The following OTUD7A variants were observed in gnomAD, a reference collection of about 807,000 sequenced individuals.
OTUD7A encodes the protein OTU deubiquitinase 7A.
OTUD7A carries 12 observed loss-of-function variants against 65.7 expected under a neutral mutation model. The observed-to-expected ratio is 0.18, with a 90% CI of 0.12 to 0.30. The LOEUF is 0.30. OTUD7A is among the 10% of genes least tolerant of loss of function. The probability of loss-of-function intolerance (pLI) is 1.00; values close to 1 mark genes in which losing one functional copy is unlikely to be tolerated. For missense variants in OTUD7A, 1,148 were observed against 1,304.8 expected (o/e 0.88, Z 1.85); for synonymous variants, 641 against 586.3 (o/e 1.09, Z -1.35).
In OTUD7A at chr15:31,559,017, C is replaced by T. The variant is rs994568456; in HGVS notation, c.502G>A (p.Glu168Lys). 6 of 1,614,170 alleles carry T rather than the reference C, an allele frequency of 3.7e-6. No homozygotes were observed. Among genetic ancestry groups the T allele is most frequent in the Non-Finnish European group, 5.1e-6 (6 of 1,180,028 alleles). ...VYSEDFRSFI[E>K]RDLIEQATMV... ...GTTGCCTGCTCGATCAAGTCCCGCT[C>T]GATGAAGCTCCTGAAATCCTCGCTG... The change falls in exon 5 of 13, where the codon GAG (glutamate) becomes AAG (lysine). Residue 168 changes from glutamate to lysine, a missense_variant. By Grantham distance (56) the Glu-to-Lys change is moderately conservative (BLOSUM62 1). Transcript: ENST00000307050.
chr15:31,741,614 A>C (rs1200266364), intron 1 of OTUD7A, among the ~76,000 whole-genome samples: 1 of 152,178 alleles, frequency 6.6e-6, no homozygotes, highest in African/African-American at 2.4e-5. Context: ...TCACAACTGA[A>C]ATAATAAAAT....
intron 1 of OTUD7A, among the ~76,000 whole-genome samples, chr15:31,802,141 G>GTGTGTGTGTGTGTATATA (rs553698632): frequency 1.4e-5 from 2 of 142,496 alleles, no homozygotes; most frequent in Non-Finnish European, 3.0e-5. Flanking sequence ...GTGTGTGTGT[G>GTGTGTGTGTGTGTATATA]TATATATATA....
At chr15:31,703,177 A>C (rs1480335731) in intron 1 of OTUD7A, among the ~76,000 whole-genome samples, 2 of 152,122 alleles carry the variant, frequency 1.3e-5, no homozygotes, top group Admixed American at 6.5e-5. Context: ...ATACGAGAAA[A>C]TCTTAGGGAT....
intron 5 of OTUD7A, among the ~76,000 whole-genome samples, chr15:31,538,782 G>T (rs1006877223): frequency 6.6e-6 from 1 of 152,076 alleles, no homozygotes; most frequent in Non-Finnish European, 1.5e-5. Context: ...GCACCAGCAG[G>T]TTCCTTTCAA....
At chr15:31,772,246 C>T (rs370025265) in intron 1 of OTUD7A, among the ~76,000 whole-genome samples, 3 of 132,066 alleles carry the variant, frequency 2.3e-5, no homozygotes, top group African/African-American at 5.7e-5. Context: ...AGCGAGACTC[C>T]GTCTCAAAAA....
At chr15:31,610,203 C>T (rs1263114283) in intron 3 of OTUD7A, among the ~76,000 whole-genome samples, 1 of 152,092 alleles carries the variant, frequency 6.6e-6, no homozygotes, top group African/African-American at 2.4e-5. Context: ...TTAAAAGAGA[C>T]ATGGAGGAGG....
chr15:31,479,969 G>A lies in OTUD7A; in HGVS notation c.*3325C>T, dbSNP rs2041092422. The A allele has an allele frequency of 1.3e-5, 2 of 152,110 alleles. No individual in the cohort carries two copies. Among genetic ancestry groups the A allele is most frequent in the South Asian group, 4.2e-4 (2 of 4,814 alleles). The allele number at this position is 152,110 out of a possible 1,614,324, so 9.4% of individuals were successfully genotyped here. On this transcript the variant is annotated 3_prime_UTR_variant, in exon 13 of 13. Transcript: ENST00000307050. ...TACCAAAATCCATGAACAGAAAAAAGGAAATCAAGCTTTCAATAAAAAAAG... is the reference window on the plus strand; with the variant it reads ...TACCAAAATCCATGAACAGAAAAAAAGAAATCAAGCTTTCAATAAAAAAAG...
At chr15:31,836,405 A>C (rs1006763229) in intron 1 of OTUD7A, among the ~76,000 whole-genome samples, 2 of 152,174 alleles carry the variant, frequency 1.3e-5, no homozygotes, top group Non-Finnish European at 2.9e-5. Flanking sequence ...TCATGAACTT[A>C]TATCACTTTA....
In OTUD7A at chr15:31,646,521, T is replaced by C. The variant is rs191404023; in HGVS notation, c.151+8575A>G. Among the ~76,000 whole-genome samples, 317 of 151,244 alleles carry C rather than the reference T, an allele frequency of 2.1e-3. 1 individual carries two copies. The East Asian group carries it at 0.021, about 10-fold the overall frequency. ...TGTTGCCCAGGCTGGAGTACAATGG[T>C]GTGATCTTGGCTCACTGCAACCTCT... On this transcript the variant is annotated intron_variant, in intron 3 of 12. Transcript: ENST00000307050.
At chr15:31,522,981 C>T (rs1238352199) in intron 8 of OTUD7A, among the ~76,000 whole-genome samples, 3 of 152,240 alleles carry the variant, frequency 2.0e-5, no homozygotes, top group East Asian at 1.9e-4. Flanking sequence ...CCGCACTGCA[C>T]CCTTTACCCT....
chr15:31,525,735 T>A (rs1046092320), intron 8 of OTUD7A, among the ~76,000 whole-genome samples: 1 of 152,254 alleles, frequency 6.6e-6, no homozygotes, highest in Non-Finnish European at 1.5e-5. Flanking sequence ...GCCCCACTGG[T>A]CTGGCCACGG....
chr15:31,743,468 A>G (rs1419824164), intron 1 of OTUD7A, among the ~76,000 whole-genome samples: 2 of 152,234 alleles, frequency 1.3e-5, no homozygotes, highest in Non-Finnish European at 2.9e-5. Flanking sequence ...AGTGAAAGTT[A>G]TAGTACTAAA....
chr15:31,709,280 C>G (rs1893378203), intron 1 of OTUD7A, among the ~76,000 whole-genome samples: 1 of 152,136 alleles, frequency 6.6e-6, no homozygotes, highest in Non-Finnish European at 1.5e-5. Flanking sequence ...GCTGAGGGAC[C>G]CAGGGGCATG....
intron 3 of OTUD7A, 86 bp downstream of exon 3, chr15:31,655,010 C>T (rs1891946819): frequency 6.8e-7 from 1 of 1,478,386 alleles, no homozygotes; most frequent in East Asian, 2.4e-5. Flanking sequence ...GCTCAAGTAC[C>T]ACTGTCATCA....
rs181936866 is a variant in OTUD7A at position 31,771,598 on chromosome 15, T to G, written c.-100+98909A>C. 2.2e-4 allele frequency among the ~76,000 whole-genome samples: 34 copies of G among 152,344 alleles called. No individual in the cohort carries two copies. The East Asian group carries it at 6.2e-3, about 28-fold the overall frequency. On this transcript the variant is annotated intron_variant, in intron 1 of 12. Coordinates refer to ENST00000307050, the MANE Select transcript of OTUD7A (RefSeq NM_001382637.1). ...AGGCTACTATCATCCCTTACTTGAATGAATGCAACAGCCACCACAAAGAAC... is the reference window on the plus strand; with the variant it reads ...AGGCTACTATCATCCCTTACTTGAAGGAATGCAACAGCCACCACAAAGAAC...
At chr15:31,787,154 C>T (rs1443793902) in intron 1 of OTUD7A, among the ~76,000 whole-genome samples, 3 of 152,076 alleles carry the variant, frequency 2.0e-5, no homozygotes, top group Non-Finnish European at 4.4e-5. Context: ...AATTTGATCT[C>T]AATGCTAGAC....
chr15:31,785,074 T>G (rs1209293957), intron 1 of OTUD7A, among the ~76,000 whole-genome samples: 1 of 152,194 alleles, frequency 6.6e-6, no homozygotes, highest in Admixed American at 6.5e-5. Flanking sequence ...TACTGATGCA[T>G]CTAGACCCTG....
chr15:31,507,386 T>C (rs899655211), intron 8 of OTUD7A, among the ~76,000 whole-genome samples: 2 of 152,154 alleles, frequency 1.3e-5, no homozygotes, highest in African/African-American at 4.8e-5. Context: ...AGTTTAACTT[T>C]GCTCTTGAGT....
At chr15:31,610,399 A>G (rs1016034815) in intron 3 of OTUD7A, among the ~76,000 whole-genome samples, 15 of 151,930 alleles carry the variant, frequency 9.9e-5, no homozygotes. Flanking sequence ...CAGGTCATCA[A>G]GACAGAAAAG....
Sources: allele counts gnomAD v4.1 joint callset (sites outside exome capture counted in the v4.1 genomes callset), GRCh38; gene constraint gnomAD v4.1.1; transcripts MANE v1.5; gene names NCBI Gene and HGNC (gene_info 2026-07-23, HGNC 2026-07-21).